The following OR2L13 variants were observed in gnomAD, a reference collection of about 807,000 sequenced individuals.
OR2L13 encodes olfactory receptor family 2 subfamily L member 13.
OR2L13 carries 14 observed loss-of-function variants against 15.3 expected under a neutral mutation model. That is an observed-to-expected ratio of 0.91 (90% confidence interval 0.60 to 1.43). OR2L13 has a LOEUF of 1.43. Ranked by LOEUF, OR2L13 falls within the 40% of genes most tolerant of loss-of-function variation. The probability of loss-of-function intolerance (pLI) is 0.00; values close to 1 mark genes in which losing one functional copy is unlikely to be tolerated. For missense variants in OR2L13, 367 were observed against 387.9 expected, an observed-to-expected ratio of 0.95 and a Z score of 0.45; for synonymous variants, 152 against 142.9, an observed-to-expected ratio of 1.06 and a Z score of -0.45.
the OR2L13 span, among the ~76,000 whole-genome samples, chr1:248,070,643 A>AATAG: frequency 6.6e-6 from 1 of 152,266 alleles, no homozygotes; most frequent in East Asian, 1.9e-4. Context: ...AACTGAAGGA[A>AATAG]ATAGAGACAC....
exon 3 of OR2L13, chr1:248,099,474 A>T (rs1484004020): frequency 1.2e-6 from 2 of 1,613,564 alleles, no homozygotes; most frequent in African/African-American, 2.7e-5. Context: ...TCATCCTCAT[A>T]TTCTTTCTGG....
chr1:248,099,924 G>A (rs1664819485), exon 3 of OR2L13: 1 of 1,614,038 alleles, frequency 6.2e-7, no homozygotes, highest in African/African-American at 1.3e-5. Context: ...TCCCAGCCAT[G>A]TTGCTTCTTG....
the OR2L13 span, among the ~76,000 whole-genome samples, chr1:248,010,867 C>T: frequency 6.9e-6 from 1 of 144,318 alleles, no homozygotes; most frequent in Non-Finnish European, 1.5e-5. Flanking sequence ...GATGGGTCTC[C>T]TGAATACAGC....
At chr1:248,077,327 G>A in the OR2L13 span, among the ~76,000 whole-genome samples, 4 of 152,254 alleles carry the variant, frequency 2.6e-5, no homozygotes, top group Middle Eastern at 3.4e-3. Context: ...TCTCTGCCAG[G>A]CTTTGGTATC....
chr1:248,052,917 G>A, the OR2L13 span, among the ~76,000 whole-genome samples: 4 of 151,398 alleles, frequency 2.6e-5, no homozygotes, highest in South Asian at 8.4e-4. Flanking sequence ...TTTTGGCTTT[G>A]TACACTTTTT....
the OR2L13 span, chr1:248,022,473 T>G: frequency 6.2e-7 from 1 of 1,614,058 alleles, no homozygotes; most frequent in African/African-American, 1.3e-5. Flanking sequence ...CATCAATCAT[T>G]TTTTCTGTGA....
the OR2L13 span, among the ~76,000 whole-genome samples, chr1:247,968,364 C>G: frequency 6.6e-6 from 1 of 151,896 alleles, no homozygotes. Context: ...TTTTAGTATA[C>G]TTTAAGTTCT....
chr1:247,945,366 A>G, the OR2L13 span, among the ~76,000 whole-genome samples: 1 of 152,170 alleles, frequency 6.6e-6, no homozygotes, highest in Non-Finnish European at 1.5e-5. Context: ...CTGTGGTCTG[A>G]CAGACTGTTT....
chr1:248,051,876 C>T, the OR2L13 span, among the ~76,000 whole-genome samples: 9 of 151,938 alleles, frequency 5.9e-5, no homozygotes, highest in Non-Finnish European at 1.2e-4. Context: ...GCAGATGGTT[C>T]CAGGTTTACA....
the OR2L13 span, among the ~76,000 whole-genome samples, chr1:247,967,379 C>T: frequency 6.6e-6 from 1 of 152,056 alleles, no homozygotes; most frequent in Non-Finnish European, 1.5e-5. Context: ...CAGGCACCCG[C>T]CACCACACCC....
At chr1:248,070,587 G>C in the OR2L13 span, among the ~76,000 whole-genome samples, 4 of 152,030 alleles carry the variant, frequency 2.6e-5, no homozygotes, top group Admixed American at 1.3e-4. Flanking sequence ...AGAGCAAACA[G>C]ATTCAAACGC....
upstream of OR2L13, among the ~76,000 whole-genome samples, chr1:248,091,783 T>C (rs1470547398): frequency 6.6e-6 from 1 of 152,128 alleles, no homozygotes; most frequent in Admixed American, 6.5e-5. Context: ...TATTTATTTT[T>C]ATTCCATATG....
At chr1:247,943,623 C>T in the OR2L13 span, among the ~76,000 whole-genome samples, 1 of 152,050 alleles carries the variant, frequency 6.6e-6, no homozygotes. Context: ...AGCACCTGGA[C>T]ATATGATGGT....
chr1:247,993,760 GGGGAGAGAGAGAGAGAGAGAGAGAGAGA>G, the OR2L13 span, among the ~76,000 whole-genome samples: 2 of 53,764 alleles, frequency 3.7e-5, no homozygotes, highest in African/African-American at 7.3e-5. Context: ...ACAGAGAGAG[GGGGAGAGAGAGAGAGAGAGAGAGAGAGA>G]GAGAGAGAGA....
chr1:248,086,412 T>C, the OR2L13 span, among the ~76,000 whole-genome samples: 2 of 152,162 alleles, frequency 1.3e-5, no homozygotes, highest in Non-Finnish European at 2.9e-5. Context: ...CAAAAATAAA[T>C]AAACCTGTAT....
the OR2L13 span, among the ~76,000 whole-genome samples, chr1:247,976,639 A>G: frequency 1.3e-5 from 2 of 152,184 alleles, no homozygotes; most frequent in African/African-American, 4.8e-5. Context: ...CTTTAATGAA[A>G]TCAATAATCA....
the OR2L13 span, among the ~76,000 whole-genome samples, chr1:247,972,562 C>A: frequency 6.6e-6 from 1 of 152,134 alleles, no homozygotes; most frequent in South Asian, 2.1e-4. Flanking sequence ...AAGACTAAAC[C>A]AGGAAGAAGT....
chr1:247,949,147 G>A, the OR2L13 span: 2 of 1,614,000 alleles, frequency 1.2e-6, no homozygotes, highest in Non-Finnish European at 1.7e-6. Context: ...ACTGGGTGTG[G>A]GATTCAGAGT....
chr1:247,960,632 C>T, the OR2L13 span, among the ~76,000 whole-genome samples: 13 of 152,142 alleles, frequency 8.5e-5, no homozygotes, highest in African/African-American at 3.1e-4. Context: ...ACTCAAGCCT[C>T]AGCAATGGCA....
Sources: allele counts gnomAD v4.1 joint callset (sites outside exome capture counted in the v4.1 genomes callset), GRCh38; gene constraint gnomAD v4.1.1; transcripts MANE v1.5; gene names NCBI Gene and HGNC (gene_info 2026-07-23, HGNC 2026-07-21).